RDX: variants seen among roughly 807,000 people sequenced by gnomAD.
RDX encodes radixin.
RDX carries 32 observed loss-of-function variants against 83.7 expected under a neutral mutation model. The observed-to-expected ratio is 0.38, with a 90% CI of 0.29 to 0.51. The LOEUF (loss-of-function observed/expected upper bound fraction) is 0.51, where lower values mean the gene tolerates loss of function less well. Among genes scored for constraint, RDX ranks in the 20% least tolerant of loss-of-function variants. The pLI is 0.87. For missense variants in RDX, 600 were observed against 689.9 expected (o/e 0.87, Z 1.46); for synonymous variants, 229 against 222.7 (o/e 1.03, Z -0.25).
At chr11:110,258,634 G>A (rs1026501312) in intron 5 of RDX, among the ~76,000 whole-genome samples, 1 of 151,936 alleles carries the variant, frequency 6.6e-6, no homozygotes, top group Non-Finnish European at 1.5e-5. Flanking sequence ...TAAAACATTA[G>A]ATAAAAAAAT....
intron 3 of RDX, among the ~76,000 whole-genome samples, chr11:110,269,631 C>A (rs117419015): frequency 0.014 from 2,088 of 152,244 alleles, 21 homozygotes; most frequent in Middle Eastern, 0.037. Flanking sequence ...TCGATCCTTG[C>A]ATTTGAGTTC....
intron 1 of RDX, among the ~76,000 whole-genome samples, chr11:110,292,855 T>G (rs1029324016): frequency 6.6e-6 from 1 of 152,220 alleles, no homozygotes; most frequent in Non-Finnish European, 1.5e-5. Context: ...CAAACTTTTT[T>G]TGTAAAGAGC....
intron 11 of RDX, among the ~76,000 whole-genome samples, chr11:110,236,964 C>T (rs2134311277): frequency 6.6e-6 from 1 of 152,142 alleles, no homozygotes; most frequent in African/African-American, 2.4e-5. Flanking sequence ...TCAGAAAGAC[C>T]CAAAGACACA....
Position 110,257,798 on chromosome 11 carries a change from A to G in RDX, c.667T>C (p.Leu223=). 6.2e-7 allele frequency: 1 copy of G among 1,612,018 alleles called. No individual in the cohort carries two copies. Among genetic ancestry groups the G allele is most frequent in the Non-Finnish European group, 8.5e-7 (1 of 1,179,676 alleles). Residue 223 remains leucine (L), a synonymous_variant, in exon 7 of 14, where the codon TTG becomes CTG. Coordinates refer to ENST00000645495, the MANE Select transcript of RDX (RefSeq NM_002906.4). The part of the protein sequence containing the change: ...GTELWLGVDA[L]GLNIYEHDDK... ...TCATGCTCATAAATATTCAGACCCA[A>G]AGCATCAACACCTAGCCACAATTCA...
intron 15 of RDX, among the ~76,000 whole-genome samples, chr11:110,188,745 A>ATATCCTAC (rs1241334842): frequency 2.0e-5 from 3 of 152,212 alleles, no homozygotes; most frequent in Non-Finnish European, 4.4e-5. Flanking sequence ...ATATCCTACC[A>ATATCCTAC]CACTAAGCTT....
At chr11:110,217,026 C>A (rs551030521) in intron 14 of RDX, among the ~76,000 whole-genome samples, 1 of 152,174 alleles carries the variant, frequency 6.6e-6, no homozygotes, top group African/African-American at 2.4e-5. Flanking sequence ...AGACTCCTGA[C>A]GAGACACAGT....
At chr11:110,175,494 C>T (rs113993941) in intron 15 of RDX, among the ~76,000 whole-genome samples, 1,530 of 152,308 alleles carry the variant, frequency 0.01, 23 homozygotes, top group African/African-American at 0.034. Context: ...CCCAGGAGAA[C>T]TCAGTGAGGA....
chr11:110,217,512 T>C (rs1405594540), intron 14 of RDX, among the ~76,000 whole-genome samples: 2 of 152,180 alleles, frequency 1.3e-5, no homozygotes, highest in Non-Finnish European at 2.9e-5. Context: ...ACAAAGTACA[T>C]CTTAACCTCT....
intron 1 of RDX, among the ~76,000 whole-genome samples, chr11:110,288,582 G>A (rs1343784004): frequency 6.6e-6 from 1 of 152,096 alleles, no homozygotes; most frequent in East Asian, 1.9e-4. Flanking sequence ...AGATATTATA[G>A]CTTATTTTCA....
chr11:110,257,642 A>G (rs989168078), intron 7 of RDX, 125 bp downstream of exon 7: 2 of 971,506 alleles, frequency 2.1e-6, no homozygotes, highest in African/African-American at 3.2e-5. Context: ...TCATTAATTC[A>G]TCTTTTAGTT....
intron 3 of RDX, among the ~76,000 whole-genome samples, chr11:110,267,017 C>T (rs1175121064): frequency 1.3e-5 from 2 of 152,062 alleles, no homozygotes; most frequent in Non-Finnish European, 2.9e-5. Context: ...ATCCTCCCAC[C>T]TCAGCCTCCC....
intron 2 of RDX, among the ~76,000 whole-genome samples, chr11:110,278,073 G>C (rs544597791): frequency 6.6e-6 from 1 of 152,244 alleles, no homozygotes; most frequent in East Asian, 1.9e-4. Context: ...TAAATTGTGT[G>C]ACACCCTTGT....
At chr11:110,221,270 C>G (rs750003651) in intron 14 of RDX, among the ~76,000 whole-genome samples, 4 of 152,196 alleles carry the variant, frequency 2.6e-5, no homozygotes, top group Admixed American at 2.0e-4. Context: ...CTGTACCCCC[C>G]CCAAAATACT....
intron 1 of RDX, among the ~76,000 whole-genome samples, chr11:110,296,182 G>C (rs1387277032): frequency 6.6e-6 from 1 of 152,170 alleles, no homozygotes; most frequent in Admixed American, 6.5e-5. Flanking sequence ...GGAGAATCCC[G>C]CGGCGGCGAA....
intron 3 of RDX, among the ~76,000 whole-genome samples, chr11:110,267,567 A>ACACAC (rs1565324982): frequency 4.5e-5 from 5 of 110,974 alleles, no homozygotes; most frequent in Non-Finnish European, 4.1e-5. Context: ...CACACACACA[A>ACACAC]ATAATCTTAA....
intron 9 of RDX, among the ~76,000 whole-genome samples, chr11:110,251,295 G>A (rs1444494915): frequency 6.6e-6 from 1 of 152,006 alleles, no homozygotes; most frequent in Admixed American, 6.6e-5. Flanking sequence ...AAGATCAAAT[G>A]GGTCTAATTA....
rs184653482 is a variant in RDX, at chr11:110,289,701, G to C, written c.-65+6766C>G. Among the ~76,000 whole-genome samples, 961 of 151,870 alleles carry C rather than the reference G, an allele frequency of 6.3e-3. 4 individuals are homozygous for C. Among genetic ancestry groups the C allele is most frequent in the Non-Finnish European group, 0.011 (729 of 68,012 alleles). ...GGAAGCCAAGGCGGGTGAATCACTT[G>C]AGGTCAGGAGTTCAAGACCAGCCTA... is the stretch of plus-strand genomic sequence containing the variant. On this transcript the variant is annotated intron_variant, in intron 1 of 13. Coordinates refer to ENST00000645495, the MANE Select transcript of RDX (RefSeq NM_002906.4).
chr11:110,249,644 C>T (rs1011394056), intron 9 of RDX, among the ~76,000 whole-genome samples: 1 of 152,080 alleles, frequency 6.6e-6, no homozygotes, highest in Non-Finnish European at 1.5e-5. Context: ...GAGGCAAAGG[C>T]GGGAAGACTA....
intron 2 of RDX, among the ~76,000 whole-genome samples, chr11:110,276,841 G>T (rs1011672117): frequency 2.0e-5 from 3 of 152,086 alleles, no homozygotes; most frequent in Non-Finnish European, 2.9e-5. Context: ...TAATTTTGAG[G>T]AAAAATCTGA....
Sources: gnomAD v4.1 joint callset for allele counts (sites outside exome capture counted in the v4.1 genomes callset) on GRCh38, gnomAD v4.1.1 for gene constraint, MANE v1.5 for transcripts, NCBI Gene and HGNC (gene_info 2026-07-23, HGNC 2026-07-21) for gene names.